Variants in ARID1B observed in about 807,000 individuals in gnomAD.
ARID1B encodes the protein AT-rich interaction domain 1B, also known as AT-rich interactive domain-containing protein 1B.
ARID1B carries 30 observed loss-of-function variants against 212.3 expected under a neutral mutation model. That is an observed-to-expected ratio of 0.14 (90% CI 0.11 to 0.19). The LOEUF is 0.19. ARID1B is among the 10% of genes least tolerant of loss of function. The pLI, the probability that ARID1B is intolerant of heterozygous loss-of-function variation, is 1.00. For synonymous variants in ARID1B, 1,402 were observed against 1,301.7 expected (o/e 1.08, Z -1.66); for missense variants, 2,891 against 3,204.0 (o/e 0.90, Z 2.36).
intron 2 of ARID1B, among the ~76,000 whole-genome samples, chr6:156,892,830 A>G (rs983299305): frequency 2.6e-5 from 4 of 152,204 alleles, no homozygotes; most frequent in African/African-American, 9.6e-5. Flanking sequence ...ATAGTTCTTG[A>G]TGGATGTGTA....
At chr6:157,161,948 C>T (rs112255377) in intron 8 of ARID1B, among the ~76,000 whole-genome samples, 1 of 152,184 alleles carries the variant, frequency 6.6e-6, no homozygotes, top group African/African-American at 2.4e-5. Flanking sequence ...ATGCTCATTC[C>T]GAACATAACT....
In ARID1B at chr6:156,945,125, C is replaced by T. The variant is rs553743880; in HGVS notation, c.2247+9549C>T. On this transcript the variant is annotated intron_variant, in intron 4 of 19. Transcript: ENST00000636930. ...TATTTTTTTTTTTTTTTAGTAGAGA[C>T]GGGGTTTCACCATGTTAGCCAGGAT... is the stretch of plus-strand genomic sequence containing the variant. 2.4e-4 allele frequency among the ~76,000 whole-genome samples: 34 copies of T among 141,446 alleles called. 1 individual carries two copies. Among genetic ancestry groups the T allele is most frequent in the South Asian group, 1.6e-3 (7 of 4,368 alleles). The allele number at this position is 141,446 out of a possible 152,430, so 92.8% of individuals were successfully genotyped here.
At chr6:157,149,547 G>T (rs1790052768) in intron 8 of ARID1B, 1 of 152,178 alleles carries the variant, frequency 6.6e-6, no homozygotes, top group Admixed American at 6.5e-5. Context: ...TAATATTTTA[G>T]AAAGTTTGAG....
intron 4 of ARID1B, among the ~76,000 whole-genome samples, chr6:156,966,809 T>C (rs1794798704): frequency 6.6e-6 from 1 of 152,240 alleles, no homozygotes; most frequent in South Asian, 2.1e-4. Context: ...CAAGCGTTTC[T>C]CCTGCCTTAG....
At chr6:156,809,870 C>T (rs185409476) in intron 1 of ARID1B, among the ~76,000 whole-genome samples, 1 of 152,268 alleles carries the variant, frequency 6.6e-6, no homozygotes, top group East Asian at 1.9e-4. Flanking sequence ...GTAAAGTCAG[C>T]TCTGTGGAGG....
intron 3 of ARID1B, among the ~76,000 whole-genome samples, chr6:156,930,550 A>G (rs1791612143): frequency 6.6e-6 from 1 of 152,342 alleles, no homozygotes; most frequent in South Asian, 2.1e-4. Context: ...TTTCACTTGT[A>G]AAGATTGATG....
Position 157,032,141 on chromosome 6 carries a change from C to T in ARID1B, c.2248-52521C>T, listed in dbSNP as rs1781055903. On this transcript the variant is annotated intron_variant, in intron 4 of 19. Coordinates refer to ENST00000636930, the MANE Select transcript of ARID1B (RefSeq NM_001374828.1). ...AATGCTGCAGTGAGGAAGACATTTTCCAGCATGGCACAAACTCTAGAAGCT... is the reference window on the plus strand; with the variant it reads ...AATGCTGCAGTGAGGAAGACATTTTTCAGCATGGCACAAACTCTAGAAGCT... 2.6e-5 allele frequency among the ~76,000 whole-genome samples: 4 copies of T among 152,302 alleles called. No homozygotes were observed. The South Asian group carries it at 8.3e-4, about 32-fold the overall frequency.
intron 7 of ARID1B, chr6:157,140,810 C>T (rs578096716): frequency 1.0e-4 from 40 of 395,670 alleles, no homozygotes; most frequent in Admixed American, 5.7e-4. Context: ...GCTTCTGCCC[C>T]GGGAGAGGCA....
At chr6:157,106,190 G>A (rs1173823671) in intron 5 of ARID1B, among the ~76,000 whole-genome samples, 1 of 152,250 alleles carries the variant, frequency 6.6e-6, no homozygotes, top group South Asian at 2.1e-4. Flanking sequence ...GTGCTGGGGA[G>A]CCCAGGACAG....
At chr6:156,902,735 C>CAAAAAAAAAAAAAAAAAA (rs869259426) in intron 3 of ARID1B, among the ~76,000 whole-genome samples, 1 of 61,682 alleles carries the variant, frequency 1.6e-5, no homozygotes, top group African/African-American at 5.2e-5. Flanking sequence ...GACTCTGTCT[C>CAAAAAAAAAAAAAAAAAA]AAAAAAAAAA....
chr6:157,102,581 G>T (rs1454658607), intron 5 of ARID1B, among the ~76,000 whole-genome samples: 1 of 145,242 alleles, frequency 6.9e-6, no homozygotes, highest in Non-Finnish European at 1.5e-5. Context: ...GGCTTTTTCA[G>T]CAAGTATTCC....
At chr6:157,134,810 G>C (rs1460489548) in intron 7 of ARID1B, among the ~76,000 whole-genome samples, 1 of 152,168 alleles carries the variant, frequency 6.6e-6, no homozygotes, top group Non-Finnish European at 1.5e-5. Context: ...AGAAAATGCG[G>C]GCTTTTGCTC....
chr6:156,932,368 A>G (rs1398630426), intron 3 of ARID1B, among the ~76,000 whole-genome samples: 1 of 151,932 alleles, frequency 6.6e-6, no homozygotes, highest in Non-Finnish European at 1.5e-5. Context: ...GGGAAACCTC[A>G]TTTCCATTGC....
chr6:156,951,955 A>C (rs142418150), intron 4 of ARID1B, among the ~76,000 whole-genome samples: 4 of 152,216 alleles, frequency 2.6e-5, no homozygotes, highest in African/African-American at 4.8e-5. Flanking sequence ...TTGAATAATT[A>C]TCTGTTTTTG....
chr6:156,887,525 T>A (rs1357651586), intron 2 of ARID1B, among the ~76,000 whole-genome samples: 3 of 152,254 alleles, frequency 2.0e-5, no homozygotes, highest in Non-Finnish European at 4.4e-5. Context: ...TGTATCTTTT[T>A]AAAGGATGAT....
intron 4 of ARID1B, among the ~76,000 whole-genome samples, chr6:156,976,030 A>T (rs944048067): frequency 3.9e-5 from 6 of 152,130 alleles, no homozygotes; most frequent in Admixed American, 2.0e-4. Context: ...TACAAAGTAC[A>T]TTCACAAGGA....
chr6:157,143,558 G>A (rs1210112488), intron 7 of ARID1B, among the ~76,000 whole-genome samples: 3 of 151,970 alleles, frequency 2.0e-5, no homozygotes, highest in Admixed American at 6.6e-5. Context: ...TAGGCAGTGC[G>A]GTGCCTGGCG....
intron 4 of ARID1B, among the ~76,000 whole-genome samples, chr6:156,969,226 A>G (rs1400074710): frequency 6.6e-6 from 1 of 152,234 alleles, no homozygotes; most frequent in Non-Finnish European, 1.5e-5. Flanking sequence ...TTTATGTCTC[A>G]GGAGATTTGT....
chr6:157,179,306 G>A lies in ARID1B; in HGVS notation c.3505-1663G>A, dbSNP rs146813383. On this transcript the variant is annotated intron_variant, in intron 11 of 19. Transcript: ENST00000636930. ...TAACTGTCCCATTAATGACGGCAGA[G>A]CTTCTGAGGTGCTGCCCGGATGAGA... Among the ~76,000 whole-genome samples, 4 of 152,288 alleles carry A rather than the reference G, an allele frequency of 2.6e-5. No homozygotes were observed. In the East Asian group the frequency reaches 7.7e-4, roughly 29 times the overall value.
Sources: gnomAD v4.1 joint callset for allele counts (sites outside exome capture counted in the v4.1 genomes callset) on GRCh38, gnomAD v4.1.1 for gene constraint, MANE v1.5 for transcripts, NCBI Gene and HGNC (gene_info 2026-07-23, HGNC 2026-07-21) for gene names.